Variants in WWOX observed in about 807,000 individuals in gnomAD.
The protein encoded by WWOX is WW domain containing oxidoreductase.
A neutral mutation model predicts 46.2 loss-of-function variants in WWOX; 69 were observed. The ratio of observed to expected loss-of-function variants is 1.49; its 90% CI spans 1.23 to 1.82. The LOEUF (loss-of-function observed/expected upper bound fraction) is 1.82. Ranked by LOEUF, WWOX falls within the 40% of genes most tolerant of loss-of-function variation. WWOX has a pLI of 0.00. For synonymous variants in WWOX, 359 were observed against 202.6 expected (o/e 1.77, Z -6.56); for missense variants, 919 against 542.6 (o/e 1.69, Z -6.89).
At chr16:79,112,167 T>G (rs2049429205) in intron 8 of WWOX, among the ~76,000 whole-genome samples, 1 of 152,160 alleles carries the variant, frequency 6.6e-6, no homozygotes, top group Non-Finnish European at 1.5e-5. Context: ...GGTCTCATCT[T>G]TAAATAATTA....
intron 8 of WWOX, among the ~76,000 whole-genome samples, chr16:79,116,407 A>G (rs2049516629): frequency 6.6e-6 from 1 of 152,342 alleles, no homozygotes; most frequent in East Asian, 1.9e-4. Flanking sequence ...AGTTAAGTTT[A>G]TGGAATATTC....
intron 8 of WWOX, among the ~76,000 whole-genome samples, chr16:78,770,209 G>C (rs1597581151): frequency 6.6e-6 from 1 of 152,104 alleles, no homozygotes; most frequent in South Asian, 2.1e-4. Flanking sequence ...AAGTGAGTCG[G>C]GGTTGGTGGT....
At chr16:78,452,386 A>C (rs933970291) in intron 8 of WWOX, among the ~76,000 whole-genome samples, 3 of 152,014 alleles carry the variant, frequency 2.0e-5, no homozygotes, top group African/African-American at 7.3e-5. Flanking sequence ...CAGATCTTTT[A>C]ATTAGATATG....
At chr16:78,849,748 T>G (rs1322660847) in intron 8 of WWOX, among the ~76,000 whole-genome samples, 1 of 151,844 alleles carries the variant, frequency 6.6e-6, no homozygotes, top group Non-Finnish European at 1.5e-5. Context: ...TATATTGTTC[T>G]TACCTGAGCC....
rs2047630709 is a variant in WWOX, at chr16:79,025,899, A to C, written c.1057-185709A>C. On this transcript the variant is annotated intron_variant, in intron 8 of 8. Coordinates refer to ENST00000566780, the MANE Select transcript of WWOX (RefSeq NM_016373.4). ...CTGCAGCCTCCGCCTCCTGGGTTCA[A>C]GTGATTCTCCTGCCTCACCCTCCCG... is the stretch of plus-strand genomic sequence containing the variant. Among the ~76,000 whole-genome samples the C allele has an allele frequency of 2.1e-5, 3 of 144,778 alleles. No individual in the cohort carries two copies. The South Asian group carries it at 6.4e-4, about 31-fold the overall frequency. The allele number at this position is 144,778 out of a possible 152,430, so 95.0% of individuals were successfully genotyped here. A position where few individuals can be genotyped will look rare whatever the true frequency, so the allele number is the denominator to read the frequency against.
At chr16:78,126,361 C>G (rs1236939173) in intron 4 of WWOX, among the ~76,000 whole-genome samples, 1 of 152,132 alleles carries the variant, frequency 6.6e-6, no homozygotes, top group East Asian at 1.9e-4. Flanking sequence ...TTTGAATGCT[C>G]CTTTGCCCAG....
At chr16:78,552,645 A>T (rs2044201373) in intron 8 of WWOX, 1 of 152,218 alleles carries the variant, frequency 6.6e-6, no homozygotes, top group Non-Finnish European at 1.5e-5. Context: ...GCATATCCCC[A>T]GCCCGAGTAG....
chr16:78,995,870 G>A (rs571473112), intron 8 of WWOX, among the ~76,000 whole-genome samples: 1 of 152,318 alleles, frequency 6.6e-6, no homozygotes, highest in East Asian at 1.9e-4. Context: ...AGGTTTTGGA[G>A]ATTGTGTGAT....
At chr16:78,110,689 C>G (rs910896958) in intron 3 of WWOX, among the ~76,000 whole-genome samples, 16 of 152,142 alleles carry the variant, frequency 1.1e-4, no homozygotes, top group African/African-American at 3.9e-4. Flanking sequence ...TGAGCCAGGC[C>G]TGATTCTAAT....
intron 8 of WWOX, among the ~76,000 whole-genome samples, chr16:78,565,515 C>T (rs527811806): frequency 6.6e-6 from 1 of 152,330 alleles, no homozygotes; most frequent in African/African-American, 2.4e-5. Context: ...TCATCTGGCC[C>T]TCTGGCCACT....
At position 78,144,448 on chromosome 16, in the gene WWOX, C is replaced by CGTATATAT. The variant is rs71380475; in HGVS notation, c.410-19735_410-19734insGTATATAT. Among the ~76,000 whole-genome samples the CGTATATAT allele has an allele frequency of 1.2e-3, 21 of 17,564 alleles. 4 individuals carry two copies. The highest frequency in any genetic ancestry group is 2.5e-3 in the Admixed American group (2 of 786). The allele number at this position is 17,564 out of a possible 152,430, so 11.5% of individuals were successfully genotyped here. A position where few individuals can be genotyped will look rare whatever the true frequency, so the allele number is the denominator to read the frequency against. On this transcript the variant is annotated intron_variant, in intron 4 of 8. Transcript: ENST00000566780. ...CCATTACTATATATATATATATATA[C>CGTATATAT]ACATATATATATATACACACATATA...
intron 8 of WWOX, among the ~76,000 whole-genome samples, chr16:79,084,278 A>C (rs545905972): frequency 6.6e-6 from 1 of 152,214 alleles, no homozygotes; most frequent in African/African-American, 2.4e-5. Context: ...GAGCTGTACA[A>C]AGAGAAGTAG....
intron 8 of WWOX, among the ~76,000 whole-genome samples, chr16:78,559,743 T>C (rs1306311825): frequency 6.6e-6 from 1 of 152,240 alleles, no homozygotes; most frequent in Non-Finnish European, 1.5e-5. Context: ...TAGAAAGTTC[T>C]AACTAATGAC....
chr16:79,034,238 T>C (rs1466319555), intron 8 of WWOX, among the ~76,000 whole-genome samples: 1 of 152,196 alleles, frequency 6.6e-6, no homozygotes, highest in Non-Finnish European at 1.5e-5. Flanking sequence ...TCATGCCCAA[T>C]GTAAAAATAG....
At chr16:78,739,218 C>T (rs758627374) in intron 8 of WWOX, among the ~76,000 whole-genome samples, 3 of 152,046 alleles carry the variant, frequency 2.0e-5, no homozygotes, top group Non-Finnish European at 4.4e-5. Context: ...TTGTGTTTGC[C>T]GAATGAAAGT....
intron 5 of WWOX, among the ~76,000 whole-genome samples, chr16:78,347,297 T>C (rs2081110194): frequency 8.6e-6 from 1 of 116,380 alleles, no homozygotes; most frequent in Non-Finnish European, 2.0e-5. Flanking sequence ...CCTTCCCCTG[T>C]AGATCATACC....
intron 8 of WWOX, among the ~76,000 whole-genome samples, chr16:78,480,480 T>C (rs148228777): frequency 1.3e-5 from 2 of 152,376 alleles, no homozygotes; most frequent in East Asian, 3.9e-4. Context: ...TTTCAAATAT[T>C]CTTTGAAATA....
At chr16:79,126,810 G>A (rs1161426272) in intron 8 of WWOX, among the ~76,000 whole-genome samples, 1 of 152,128 alleles carries the variant, frequency 6.6e-6, no homozygotes, top group Non-Finnish European at 1.5e-5. Flanking sequence ...ATGACTGGAT[G>A]TCCTATAGGA....
chr16:78,917,116 T>C (rs902035595), intron 8 of WWOX, among the ~76,000 whole-genome samples: 3 of 152,220 alleles, frequency 2.0e-5, no homozygotes, highest in Non-Finnish European at 2.9e-5. Context: ...TTTCCTGGAA[T>C]TTAGTCTGAC....
Sources: allele counts gnomAD v4.1 joint callset (sites outside exome capture counted in the v4.1 genomes callset), GRCh38; gene constraint gnomAD v4.1.1; transcripts MANE v1.5; gene names NCBI Gene and HGNC (gene_info 2026-07-23, HGNC 2026-07-21).